Variants in ACIN1 observed in about 807,000 individuals in gnomAD.
ACIN1 encodes the protein apoptotic chromatin condensation inducer in the nucleus.
ACIN1 carries 16 observed loss-of-function variants against 146.6 expected under a neutral mutation model. The ratio of observed to expected loss-of-function variants is 0.11; its 90% confidence interval spans 0.07 to 0.17. The LOEUF is 0.17. Ranked by LOEUF, ACIN1 falls within the 10% of genes least tolerant of loss-of-function variation. The pLI is 1.00. For missense variants in ACIN1, 1,357 were observed against 1,609.3 expected (o/e 0.84, Z 2.68); for synonymous variants, 569 against 582.7 (o/e 0.98, Z 0.34).
rs114227624 is a variant in ACIN1, at chr14:23,076,060, G to C, written c.2123+2091C>G. Among the ~76,000 whole-genome samples the C allele has an allele frequency of 6.6e-3, 1,010 of 152,304 alleles. 11 individuals are homozygous for C. The highest frequency in any genetic ancestry group is 0.022 in the African/African-American group (934 of 41,568). ...GATTACGCTTTCAAAATTGGCCAGA[G>C]CTCTAGAGGGCTGCCAGACTGCACA... On this transcript the variant is annotated intron_variant, in intron 8 of 18. Coordinates refer to ENST00000605057, the MANE Select transcript of ACIN1 (RefSeq NM_001386863.1).
intron 16 of ACIN1, 142 bp downstream of exon 16, chr14:23,062,026 A>G (rs2047307974): frequency 4.4e-6 from 3 of 674,708 alleles, no homozygotes; most frequent in East Asian, 2.8e-5. Context: ...GCCCCATGGT[A>G]CAATTAAAGG....
chr14:23,089,948 G>C, intron 4 of ACIN1, 34 bp downstream of exon 4: 2 of 1,556,418 alleles, frequency 1.3e-6, no homozygotes, highest in Non-Finnish European at 1.8e-6. Context: ...ACGCAGGATT[G>C]ACAAAACAGC....
Position 23,079,543 on chromosome 14 carries a change from T to G in ACIN1, c.1788+4A>C. 1 of 1,612,270 alleles carries G rather than the reference T, an allele frequency of 6.2e-7. No individual in the cohort carries two copies. Among genetic ancestry groups the G allele is most frequent in the Non-Finnish European group, 8.5e-7 (1 of 1,178,980 alleles). On this transcript the variant is annotated splice_donor_region_variant and intron_variant, in intron 6 of 18. Coordinates refer to ENST00000605057, the MANE Select transcript of ACIN1 (RefSeq NM_001386863.1). The stretch of plus-strand genomic sequence containing the variant: ...TAATACACCCGGGATTCTCTCATAC[T>G]CACTTTTCTGCTGTTGCTTGATGCT...
At position 23,067,338 on chromosome 14, in the gene ACIN1, G is replaced by A; in HGVS notation, c.2266-1330C>T. 3 of 985,762 alleles carry A rather than the reference G, an allele frequency of 3.0e-6. No homozygotes were observed. The highest frequency in any genetic ancestry group is 3.6e-6 in the Non-Finnish European group (3 of 829,902). 61.1% of individuals were successfully genotyped at this position (985,762 alleles called of 1,614,324 possible). ...CCTGGGATCTTCAGTTCAGCCAATC[G>A]CACCTCACTGTGTACTGTATCTAGT... On this transcript the variant is annotated intron_variant, in intron 9 of 18. Coordinates refer to ENST00000605057, the MANE Select transcript of ACIN1 (RefSeq NM_001386863.1). This position sits in a 1 kb window ranked among gnomAD's most constrained non-coding sequence, Gnocchi z 4.6.
chr14:23,095,329 T>A (rs777842847), upstream of ACIN1: 1 of 1,553,698 alleles, frequency 6.4e-7, no homozygotes, highest in South Asian at 1.2e-5. Context: ...AGCGCCCCTT[T>A]TCTCGCCCTG....
chr14:23,083,529 G>A (rs889278222), intron 4 of ACIN1, among the ~76,000 whole-genome samples: 2 of 152,146 alleles, frequency 1.3e-5, no homozygotes, highest in South Asian at 2.1e-4. Context: ...TCAGGAGATC[G>A]AGACCATCCT....
At chr14:23,092,611 T>C (rs1285502562) in intron 2 of ACIN1, among the ~76,000 whole-genome samples, 1 of 152,234 alleles carries the variant, frequency 6.6e-6, no homozygotes, top group Non-Finnish European at 1.5e-5. Context: ...CTGCACACTA[T>C]TGCTTTAACA....
rs750502582 is a variant in ACIN1, at chr14:23,080,330, A to G, written c.1005T>C (p.Thr335=). ...CAAGTGAGGCCTTCTTTCGATCTTC[A>G]GTCAGTCGAGGAGGGGAAGGAGACT... is the stretch of plus-strand genomic sequence containing the variant. ...KSKSPSPPRL[T]EDRKKASLVA... Residue 335 remains threonine (T), a synonymous_variant, in exon 6 of 19, where the codon ACT becomes ACC. Coordinates refer to ENST00000605057, the MANE Select transcript of ACIN1 (RefSeq NM_001386863.1). 1.2e-6 allele frequency: 2 copies of G among 1,614,190 alleles called. No homozygotes were observed. Among genetic ancestry groups the G allele is most frequent in the South Asian group, 1.1e-5 (1 of 91,084 alleles).
intron 7 of ACIN1, 137 bp from the exon 8 acceptor site, chr14:23,078,403 T>C (rs1237498978): frequency 6.6e-6 from 4 of 610,664 alleles, no homozygotes; most frequent in Non-Finnish European, 1.1e-5. Flanking sequence ...GTATCTGTTA[T>C]TTCATTTTAG....
chr14:23,061,837 G>A (rs2139998633), intron 16 of ACIN1, among the ~76,000 whole-genome samples: 1 of 152,146 alleles, frequency 6.6e-6, no homozygotes, highest in East Asian at 1.9e-4. Context: ...AGCCGGGCGT[G>A]GTGGCGGGCG....
chr14:23,066,030 GAA>G (rs752710025), intron 9 of ACIN1, 22 bp from the exon 10 acceptor site: 4 of 1,605,684 alleles, frequency 2.5e-6, no homozygotes, highest in Non-Finnish European at 3.4e-6. Context: ...AGAAAAAGGG[GAA>G]AAAAAAGAGA....
At chr14:23,069,285 C>T in intron 9 of ACIN1, 191 bp downstream of exon 9, 1 of 1,293,698 alleles carries the variant, frequency 7.7e-7, no homozygotes, top group Non-Finnish European at 9.8e-7. Flanking sequence ...AATGAATGAG[C>T]CCTGTCCCCG....
At chr14:23,059,653 CTT>C (rs376703295) in intron 18 of ACIN1, among the ~76,000 whole-genome samples, 179 bp from the exon 19 acceptor site, 74 of 138,612 alleles carry the variant, frequency 5.3e-4, no homozygotes, top group African/African-American at 7.9e-4. Context: ...TAGTTTCAGC[CTT>C]TTTTTTTTTT....
rs758727469 is a variant in ACIN1, at chr14:23,066,014, T to C, written c.2266-6A>G. 6.2e-7 allele frequency: 1 copy of C among 1,612,468 alleles called. No individual in the cohort carries two copies. On this transcript the variant is annotated splice_polypyrimidine_tract_variant and splice_region_variant and intron_variant, in intron 9 of 18. Transcript: ENST00000605057. Reference sequence around the variant, plus strand: ...AATGATTTGGGCAGCGAGCTCTGTATGAAGAAGAAAAAGGGGAAAAAAAAG... The same window carrying C: ...AATGATTTGGGCAGCGAGCTCTGTACGAAGAAGAAAAAGGGGAAAAAAAAG...
chr14:23,085,612 A>C (rs1159953589), intron 4 of ACIN1, among the ~76,000 whole-genome samples: 1 of 152,202 alleles, frequency 6.6e-6, no homozygotes, highest in African/African-American at 2.4e-5. Context: ...TTGCAATAAA[A>C]GCAGAAACTG....
chr14:23,066,041 G>C (rs938796710), intron 9 of ACIN1, 33 bp from the exon 10 acceptor site: 2 of 1,601,562 alleles, frequency 1.2e-6, no homozygotes, highest in Non-Finnish European at 1.7e-6. Flanking sequence ...AAAAAAAAGA[G>C]AAAGAGAGAC....
At chr14:23,066,701 C>A (rs1338371948) in intron 9 of ACIN1, among the ~76,000 whole-genome samples, 3 of 152,180 alleles carry the variant, frequency 2.0e-5, no homozygotes, top group African/African-American at 7.2e-5. Context: ...TTATGAAGGG[C>A]AGATTGTCCC....
At chr14:23,093,381 A>T in intron 2 of ACIN1, 98 bp downstream of exon 2, 1 of 1,219,416 alleles carries the variant, frequency 8.2e-7, no homozygotes, top group South Asian at 1.3e-5. Context: ...TTAGGAAAAC[A>T]GTCATGAGGA....
At chr14:23,066,065 G>A in intron 9 of ACIN1, 57 bp from the exon 10 acceptor site, 1 of 1,471,460 alleles carries the variant, frequency 6.8e-7, no homozygotes, top group Admixed American at 1.7e-5. Context: ...CCACAGAGAG[G>A]GGGGAAGGAG....
Sources: allele counts gnomAD v4.1 joint callset (sites outside exome capture counted in the v4.1 genomes callset), GRCh38; gene constraint gnomAD v4.1.1; non-coding constraint Gnocchi (gnomAD v3.1); transcripts MANE v1.5; gene names NCBI Gene and HGNC (gene_info 2026-07-23, HGNC 2026-07-21).